The following LRRC8A variants were observed in gnomAD, a reference collection of about 807,000 sequenced individuals.
LRRC8A encodes leucine rich repeat containing 8 VRAC subunit A, also known as volume-regulated anion channel subunit LRRC8A.
In LRRC8A, 24 loss-of-function variants were observed where a neutral mutation model predicts 52.5. The ratio of observed to expected loss-of-function variants is 0.46; its 90% CI spans 0.33 to 0.64. The LOEUF (loss-of-function observed/expected upper bound fraction) is 0.64. Among genes scored for constraint, LRRC8A ranks in the 30% least tolerant of loss-of-function variants. The probability of loss-of-function intolerance (pLI) is 0.02; values close to 1 mark genes in which losing one functional copy is unlikely to be tolerated. For synonymous variants in LRRC8A, 492 were observed against 494.2 expected (o/e 1.00, Z 0.06); for missense variants, 677 against 1,094.7 (o/e 0.62, Z 5.38).
chr9:128,908,181 A>G lies in LRRC8A; in HGVS notation c.1017A>G (p.Thr339=), dbSNP rs368153185. 7.4e-6 allele frequency: 12 copies of G among 1,613,796 alleles called. No homozygotes were observed. In the African/African-American group the frequency reaches 1.1e-4, roughly 14 times the overall value. ...TCTACGGCCTCATCTGCATGTATAC[A>G]CTGTGGTGGATGCTACGGCGCTCCC... ...VIFYGLICMY[T]LWWMLRRSLK... is the part of the protein sequence containing the mutation. Residue 339 remains threonine, a synonymous_variant, in exon 3 of 4, where the codon ACA becomes ACG. Transcript: ENST00000372600.
chr9:128,907,077 A>G lies in LRRC8A; in HGVS notation c.-8-80A>G. On this transcript the variant is annotated intron_variant, in intron 2 of 3. Transcript: ENST00000372600. The surrounding 1 kb of genome is among the most constrained non-coding windows in gnomAD (Gnocchi z 9.3). The stretch of plus-strand genomic sequence containing the variant: ...AATTTTGGACAATGGAAGAATTTTC[A>G]TTGTCTTCTTCCCCTGACCCCTGGT... 3 of 1,179,522 alleles carry G rather than the reference A, an allele frequency of 2.5e-6. No individual in the cohort carries two copies. In the South Asian group the frequency reaches 4.3e-5, roughly 17 times the overall value. The allele number at this position is 1,179,522 out of a possible 1,614,324, so 73.1% of individuals were successfully genotyped here. A position where few individuals can be genotyped will look rare whatever the true frequency, so the allele number is the denominator to read the frequency against.
At chr9:128,912,344 G>A (rs1292648409) in intron 3 of LRRC8A, among the ~76,000 whole-genome samples, 1 of 152,180 alleles carries the variant, frequency 6.6e-6, no homozygotes, top group African/African-American at 2.4e-5. Flanking sequence ...CTCTGCTGGA[G>A]CACCAGGTCC....
chr9:128,882,275 G>C (rs2130904236), intron 1 of LRRC8A, 25 bp downstream of exon 1: 1 of 153,358 alleles, frequency 6.5e-6, no homozygotes. Flanking sequence ...TGGGGAAAGG[G>C]GCGCGAGCTG....
intron 2 of LRRC8A, among the ~76,000 whole-genome samples, chr9:128,904,997 C>CA (rs770042979): frequency 0.17 from 4,947 of 29,266 alleles, 399 homozygotes; most frequent in East Asian, 0.31. Flanking sequence ...GACTCCGTCT[C>CA]AAAAAAAAAA....
chr9:128,905,927 G>C (rs939038036), intron 2 of LRRC8A, among the ~76,000 whole-genome samples: 3 of 152,190 alleles, frequency 2.0e-5, no homozygotes, highest in South Asian at 4.1e-4. Flanking sequence ...TGTTGCTGCT[G>C]TTTTTAATTC....
chr9:128,888,889 C>T (rs576948833), intron 2 of LRRC8A, among the ~76,000 whole-genome samples: 7 of 152,196 alleles, frequency 4.6e-5, no homozygotes, highest in African/African-American at 1.4e-4. Flanking sequence ...TGGTGCTCAG[C>T]GTCTCTGGCT....
chr9:128,906,020 C>G (rs1480977765), intron 2 of LRRC8A, among the ~76,000 whole-genome samples: 1 of 152,214 alleles, frequency 6.6e-6, no homozygotes, highest in Non-Finnish European at 1.5e-5. Context: ...GAGCCTTATT[C>G]TTAATCCCCT....
rs1840046293 is a variant in LRRC8A, at chr9:128,902,021, C to G, written c.-8-5136C>G. On this transcript the variant is annotated intron_variant, in intron 2 of 3. Coordinates refer to ENST00000372600, the MANE Select transcript of LRRC8A (RefSeq NM_019594.4). This position sits in a 1 kb window ranked among gnomAD's most constrained non-coding sequence, Gnocchi z 4.1. The stretch of plus-strand genomic sequence containing the variant: ...GGGGTGACCCCTCCAGACAGGTTAC[C>G]CTTACCAGGGGTAGGCCCAGGCACC... Among the ~76,000 whole-genome samples the G allele has an allele frequency of 6.6e-6, 1 of 150,442 alleles. No homozygotes were observed. The highest frequency in any genetic ancestry group is 1.5e-5 in the Non-Finnish European group (1 of 67,944).
At chr9:128,912,244 CA>C (rs1430371825) in intron 3 of LRRC8A, among the ~76,000 whole-genome samples, 11 of 152,152 alleles carry the variant, frequency 7.2e-5, no homozygotes, top group Non-Finnish European at 1.6e-4. Flanking sequence ...GTTTTTTGAG[CA>C]CTTCTAGAAT....
chr9:128,882,339 C>A (rs1839078951), intron 1 of LRRC8A, 89 bp downstream of exon 1: 1 of 180,156 alleles, frequency 5.6e-6, no homozygotes, highest in African/African-American at 2.3e-5. Context: ...CGGCCCGGGG[C>A]GCCCGGGGCA....
rs543807480 is a variant in LRRC8A, at chr9:128,917,063, T to A, written c.*692T>A. The A allele has an allele frequency of 4.7e-3, 654 of 140,608 alleles. 3 individuals are homozygous for A. Among genetic ancestry groups the A allele is most frequent in the Middle Eastern group, 0.018 (5 of 280 alleles). 8.7% of individuals were successfully genotyped at this position (140,608 alleles called of 1,614,324 possible). On this transcript the variant is annotated 3_prime_UTR_variant, in exon 4 of 4. Transcript: ENST00000372600. ...TTTTTTAATCAAAAAACAATTTTTT[T>A]AAAAAAAAAGCTTTGAAAATGGATG...
chr9:128,906,864 C>A (rs543136609), intron 2 of LRRC8A, among the ~76,000 whole-genome samples: 1 of 152,316 alleles, frequency 6.6e-6, no homozygotes, highest in South Asian at 2.1e-4. Context: ...GCAGAGAACC[C>A]TGAGGCTGCA....
chr9:128,915,121 G>A (rs138327079), intron 3 of LRRC8A, among the ~76,000 whole-genome samples: 10 of 152,294 alleles, frequency 6.6e-5, no homozygotes, highest in South Asian at 6.2e-4. Context: ...AGTGCTCACA[G>A]TGAGCCTGCC....
rs961458882 is a variant in LRRC8A at position 128,908,202 on chromosome 9, C to T, written c.1038C>T (p.Arg346=). The part of the protein sequence containing the change: ...CMYTLWWMLR[R]SLKKYSFESI... ...ATACACTGTGGTGGATGCTACGGCG[C>T]TCCCTCAAGAAGTACTCGTTTGAGT... Residue 346 remains arginine, a synonymous_variant, in exon 3 of 4, where the codon CGC becomes CGT. Transcript: ENST00000372600. The T allele has an allele frequency of 6.2e-7, 1 of 1,614,100 alleles. No homozygotes were observed. Among genetic ancestry groups the T allele is most frequent in the African/African-American group, 1.3e-5 (1 of 75,022 alleles).
At chr9:128,906,408 C>T (rs1439006453) in intron 2 of LRRC8A, among the ~76,000 whole-genome samples, 4 of 150,160 alleles carry the variant, frequency 2.7e-5, no homozygotes, top group African/African-American at 9.8e-5. Flanking sequence ...CTGCAACCTC[C>T]ACCTCCCGGG....
At chr9:128,887,000 C>A (rs1016220229) in intron 2 of LRRC8A, among the ~76,000 whole-genome samples, 4 of 152,282 alleles carry the variant, frequency 2.6e-5, no homozygotes, top group Middle Eastern at 3.4e-3. Flanking sequence ...GGGCCAGGGT[C>A]TTCTGTTGTC....
At chr9:128,905,337 C>G (rs1840202728) in intron 2 of LRRC8A, among the ~76,000 whole-genome samples, 1 of 152,218 alleles carries the variant, frequency 6.6e-6, no homozygotes, top group African/African-American at 2.4e-5. Flanking sequence ...CAGGGAACAT[C>G]TAGTACCTTA....
At chr9:128,903,440 C>T (rs1840107899) in intron 2 of LRRC8A, among the ~76,000 whole-genome samples, 2 of 147,414 alleles carry the variant, frequency 1.4e-5, no homozygotes, top group African/African-American at 5.0e-5. Context: ...TGAGTCGGCA[C>T]CTCGCTCTGT....
chr9:128,916,113 G>A lies in LRRC8A; in HGVS notation c.2175G>A (p.Pro725=), dbSNP rs762888887. Residue 725 remains proline, a synonymous_variant, in exon 4 of 4, where the codon CCG becomes CCA. Coordinates refer to ENST00000372600, the MANE Select transcript of LRRC8A (RefSeq NM_019594.4). The surrounding 1 kb of genome is among the most constrained non-coding windows in gnomAD (Gnocchi z 6.1). The stretch of plus-strand genomic sequence containing the variant: ...CCCTCCAGATCGAGACGCTCCCTCC[G>A]GAGCTCTTCCAGTGCCGGAAGCTGC... The part of the protein sequence containing the change: ...ITANRIETLP[P]ELFQCRKLRA... The A allele has an allele frequency of 6.8e-6, 11 of 1,610,508 alleles. No homozygotes were observed. The highest frequency in any genetic ancestry group is 4.0e-5 in the African/African-American group (3 of 74,870).
Sources: allele counts gnomAD v4.1 joint callset (sites outside exome capture counted in the v4.1 genomes callset), GRCh38; gene constraint gnomAD v4.1.1; non-coding constraint Gnocchi (gnomAD v3.1); transcripts MANE v1.5; gene names NCBI Gene and HGNC (gene_info 2026-07-23, HGNC 2026-07-21).